Variants in PKHD1L1 observed in about 807,000 individuals in gnomAD.
The protein encoded by PKHD1L1 is PKHD1 like 1, also known as fibrocystin-L.
PKHD1L1 carries 434 observed loss-of-function variants against 462.9 expected under a neutral mutation model. The observed-to-expected ratio is 0.94, with a 90% CI of 0.87 to 1.02. PKHD1L1 has a LOEUF of 1.02. PKHD1L1 is among the 50% of genes least tolerant of loss of function. The pLI is 0.00. For synonymous variants in PKHD1L1, 1,781 were observed against 1,750.0 expected, an observed-to-expected ratio of 1.02 and a Z score of -0.44; for missense variants, 5,202 against 5,096.1, an observed-to-expected ratio of 1.02 and a Z score of -0.63.
chr8:109,416,478 TA>T (rs1814176235), intron 21 of PKHD1L1, among the ~76,000 whole-genome samples: 1 of 152,214 alleles, frequency 6.6e-6, no homozygotes, highest in African/African-American at 2.4e-5. Context: ...ACACTGAATA[TA>T]TTTCCATTTA....
chr8:109,528,046 A>G (rs2131051217), intron 77 of PKHD1L1, among the ~76,000 whole-genome samples: 1 of 152,340 alleles, frequency 6.6e-6, no homozygotes, highest in South Asian at 2.1e-4. Context: ...GAGGAATGAC[A>G]GGCAGACAGA....
intron 61 of PKHD1L1, among the ~76,000 whole-genome samples, chr8:109,491,357 A>C (rs1818816969): frequency 1.3e-5 from 2 of 151,822 alleles, no homozygotes; most frequent in African/African-American, 4.8e-5. Flanking sequence ...TATACATTTA[A>C]ATAGCCACAT....
At chr8:109,427,656 G>A (rs1814839216) in intron 25 of PKHD1L1, among the ~76,000 whole-genome samples, 1 of 152,090 alleles carries the variant, frequency 6.6e-6, no homozygotes, top group Admixed American at 6.5e-5. Context: ...AGGAAGAAGA[G>A]AATGGGGGAA....
At chr8:109,449,102 C>T (rs1033923501) in intron 39 of PKHD1L1, among the ~76,000 whole-genome samples, 6 of 152,004 alleles carry the variant, frequency 3.9e-5, no homozygotes, top group African/African-American at 7.2e-5. Flanking sequence ...TTTAGTTCCT[C>T]GAAATAGTTC....
At position 109,475,283 on chromosome 8, in the gene PKHD1L1, T is replaced by C; in HGVS notation, c.8757+14T>C. 1 of 1,570,658 alleles carries C rather than the reference T, an allele frequency of 6.4e-7. No individual in the cohort carries two copies. On this transcript the variant is annotated intron_variant, in intron 51 of 77. Transcript: ENST00000378402. ...TATGGATTCAAGGTAAAAATATTTA[T>C]CTTCTAATGATTATAATTGTGTATT...
chr8:109,491,620 T>C (rs963080830), intron 61 of PKHD1L1, among the ~76,000 whole-genome samples: 3 of 151,866 alleles, frequency 2.0e-5, no homozygotes, highest in African/African-American at 7.2e-5. Flanking sequence ...AAATAAAATC[T>C]GAGATGGACC....
chr8:109,372,005 A>G (rs556984010), intron 2 of PKHD1L1, among the ~76,000 whole-genome samples: 89 of 152,198 alleles, frequency 5.8e-4, no homozygotes, highest in African/African-American at 2.1e-3. Flanking sequence ...TTGGTTCCAT[A>G]TGAACTTCAA....
At position 109,401,560 on chromosome 8, in the gene PKHD1L1, G is replaced by A; in HGVS notation, c.1345G>A (p.Asp449Asn). The change falls in exon 14 of 78, where the codon GAT (aspartate) becomes AAT (asparagine). Residue 449 changes from aspartate to asparagine, a missense_variant. Around this residue, in one of 3 missense-constraint regions of PKHD1L1, gnomAD observed 4,497 missense variants for 4,336.8 expected, o/e 1.04. Transcript: ENST00000378402. Reference protein sequence around the residue: ...SYFSSPTQRSDDIHLQKGKEY... With the variant: ...SYFSSPTQRSNDIHLQKGKEY... ...TTTTTCCAGTCCAACACAAAGATCA[G>A]ATGATATTCATCTGCAGAAAGGAAA... The A allele has an allele frequency of 6.3e-7, 1 of 1,588,982 alleles. No homozygotes were observed. The highest frequency in any genetic ancestry group is 8.6e-7 in the Non-Finnish European group (1 of 1,159,306).
chr8:109,498,656 T>C lies in PKHD1L1; in HGVS notation c.10713T>C (p.Gly3571=). The change falls in exon 67 of 78, where the codon GGT becomes GGC. Residue 3571 remains glycine, a splice_region_variant and synonymous_variant. Coordinates refer to ENST00000378402, the MANE Select transcript of PKHD1L1 (RefSeq NM_177531.6). ...AAHRSPRSPS[G]GRSGICWPTF... ...TAACTTTTTCTTTTTTGGTAAAAGG[T>C]GGGAGAAGTGGGATTTGTTGGCCTA... The C allele has an allele frequency of 6.2e-7, 1 of 1,613,728 alleles. No homozygotes were observed. The highest frequency in any genetic ancestry group is 8.5e-7 in the Non-Finnish European group (1 of 1,179,716).
chr8:109,410,726 CTTTTTT>C (rs71303459), intron 19 of PKHD1L1, among the ~76,000 whole-genome samples: 15,912 of 68,088 alleles, frequency 0.23, 930 homozygotes, highest in South Asian at 0.38. Flanking sequence ...TTTTCTTTTT[CTTTTTT>C]TTTTTTTTTT....
chr8:109,419,170 A>T lies in PKHD1L1; in HGVS notation c.2434A>T (p.Arg812Trp), dbSNP rs1455938259. The T allele has an allele frequency of 6.2e-7, 1 of 1,613,534 alleles. No individual in the cohort carries two copies. Among genetic ancestry groups the T allele is most frequent in the South Asian group, 1.1e-5 (1 of 91,062 alleles). ...KYTGTNVSLQRISLHKASESQ... is the reference protein window; with the variant it reads ...KYTGTNVSLQWISLHKASESQ... ...CACTGGGACAAATGTTTCTCTTCAG[A>T]GGATTAGCTTACATAAAGCATCAGA... Residue 812 changes from arginine (R) to tryptophan (W), a missense_variant, in exon 22 of 78, where the codon AGG (arginine) becomes TGG (tryptophan). Arg to Trp is a moderately radical substitution (Grantham distance 101). This residue lies in a region of PKHD1L1 where 4,497 missense variants were observed against 4,336.8 expected (regional missense o/e 1.04). Coordinates refer to ENST00000378402, the MANE Select transcript of PKHD1L1 (RefSeq NM_177531.6).
In PKHD1L1 at chr8:109,475,763, G is replaced by A. The variant is rs539084982; in HGVS notation, c.8757+494G>A. Among the ~76,000 whole-genome samples the A allele has an allele frequency of 6.7e-4, 99 of 146,758 alleles. 1 individual carries two copies. The highest frequency in any genetic ancestry group is 8.4e-4 in the Admixed American group (12 of 14,368). Reference sequence around the variant, plus strand: ...TTGGGGAGACTGGGGCAGGAGAATCGCTTGAACCCAAGAGGCAGAGGTTGC... The same window carrying A: ...TTGGGGAGACTGGGGCAGGAGAATCACTTGAACCCAAGAGGCAGAGGTTGC... On this transcript the variant is annotated intron_variant, in intron 51 of 77. Coordinates refer to ENST00000378402, the MANE Select transcript of PKHD1L1 (RefSeq NM_177531.6).
intron 50 of PKHD1L1, chr8:109,470,524 C>T: frequency 6.2e-7 from 1 of 1,610,770 alleles, no homozygotes; most frequent in Non-Finnish European, 8.5e-7. Context: ...GGAAAAGAAG[C>T]AGGGATTTGA....
rs762637785 is a variant in PKHD1L1 at position 109,404,610 on chromosome 8, G to T, written c.1430G>T (p.Gly477Val). The change falls in exon 15 of 78, where the codon GGA (glycine) becomes GTA (valine). Residue 477 changes from glycine to valine, a missense_variant. By Grantham distance (109) the Gly-to-Val change is moderately radical. This residue lies in a region of PKHD1L1 where 4,497 missense variants were observed against 4,336.8 expected (regional missense o/e 1.04). Transcript: ENST00000378402. ...EYRLSAFVDV[G>V]LYQYRNVYTE... ...AGATTAAGTGCATTTGTTGATGTTG[G>T]ACTGTACCAGTATCGAAATGTTTAT... 6.2e-7 allele frequency: 1 copy of T among 1,605,312 alleles called. No homozygotes were observed. Among genetic ancestry groups the T allele is most frequent in the Non-Finnish European group, 8.5e-7 (1 of 1,175,212 alleles).
intron 72 of PKHD1L1, among the ~76,000 whole-genome samples, chr8:109,517,563 T>G (rs1281235060): frequency 1.2e-4 from 18 of 152,142 alleles, no homozygotes; most frequent in Admixed American, 9.8e-4. Flanking sequence ...CAATCACTTT[T>G]GTAAAATTCA....
rs145255048 is a variant in PKHD1L1 at position 109,464,534 on chromosome 8, A to C, written c.7702A>C (p.Asn2568His). 4 of 1,613,748 alleles carry C rather than the reference A, an allele frequency of 2.5e-6. No homozygotes were observed. The highest frequency in any genetic ancestry group is 3.4e-6 in the Non-Finnish European group (4 of 1,179,784). Reference protein sequence around the residue: ...TPAAFWVTNPNNTIRHNAVAG... With the variant: ...TPAAFWVTNPHNTIRHNAVAG... ...GGCTGCATTTTGGGTCACCAACCCG[A>C]ACAATACCATACGACACAATGCTGT... Residue 2568 changes from asparagine (N) to histidine (H), a missense_variant, in exon 49 of 78, where the codon AAC (asparagine) becomes CAC (histidine). Asn to His is a moderately conservative substitution (Grantham distance 68, BLOSUM62 1). Coordinates refer to ENST00000378402, the MANE Select transcript of PKHD1L1 (RefSeq NM_177531.6).
chr8:109,489,127 A>G (rs1327591304), intron 59 of PKHD1L1, among the ~76,000 whole-genome samples: 1 of 151,998 alleles, frequency 6.6e-6, no homozygotes, highest in Non-Finnish European at 1.5e-5. Context: ...AACCATGTAT[A>G]GAAGAATTGC....
chr8:109,420,958 T>A (rs924271554), intron 23 of PKHD1L1, among the ~76,000 whole-genome samples: 2 of 151,890 alleles, frequency 1.3e-5, no homozygotes, highest in Non-Finnish European at 2.9e-5. Flanking sequence ...AAAGAAAAAA[T>A]TATGGTCTCT....
intron 67 of PKHD1L1, among the ~76,000 whole-genome samples, chr8:109,500,699 A>G (rs1016863311): frequency 7.3e-6 from 1 of 137,052 alleles, no homozygotes; most frequent in Non-Finnish European, 1.6e-5. Flanking sequence ...AAAAAAAAAA[A>G]GTCCCTGGTT....
Sources: gnomAD v4.1 joint callset for allele counts (sites outside exome capture counted in the v4.1 genomes callset) on GRCh38, gnomAD v4.1.1 for gene constraint, gnomAD v4.1.1 regional missense constraint, MANE v1.5 for transcripts, NCBI Gene and HGNC (gene_info 2026-07-23, HGNC 2026-07-21) for gene names.